The following EFHB variants were observed in gnomAD, a reference collection of about 807,000 sequenced individuals.
EFHB encodes EF-hand domain-containing family member B.
A neutral mutation model predicts 87.2 loss-of-function variants in EFHB; 91 were observed. That is an observed-to-expected ratio of 1.04 (90% CI 0.88 to 1.24). The LOEUF (loss-of-function observed/expected upper bound fraction) is 1.24, where lower values mean the gene tolerates loss of function less well. Among genes scored for constraint, EFHB ranks in the 50% most tolerant of loss-of-function variants. The pLI is 0.00. For missense variants in EFHB, 1,084 were observed against 998.8 expected (o/e 1.09, Z -1.15); for synonymous variants, 325 against 333.6 (o/e 0.97, Z 0.28).
intron 2 of EFHB, 37 bp from the exon 3 acceptor site, chr3:19,920,013 A>G (rs779649585): frequency 1.9e-6 from 3 of 1,608,700 alleles, no homozygotes; most frequent in African/African-American, 2.7e-5. Flanking sequence ...TATTAAGTAC[A>G]GTTTCTAAAA....
In EFHB at chr3:19,934,124, A is replaced by C; in HGVS notation, c.-106T>G. 1 of 1,464,044 alleles carries C rather than the reference A, an allele frequency of 6.8e-7. No individual in the cohort carries two copies. 90.7% of individuals were successfully genotyped at this position (1,464,044 alleles called of 1,614,324 possible). ...CAATCCCTTGCGGAACCCCTCTCTC[A>C]GGAAAGAGCACAACCTCACTCGGAC... On this transcript the variant is annotated 5_prime_UTR_variant, in exon 1 of 13. Coordinates refer to ENST00000295824, the MANE Select transcript of EFHB (RefSeq NM_144715.4).
At chr3:19,937,026 G>T (rs1696040983), upstream of EFHB, among the ~76,000 whole-genome samples, 1 of 151,486 alleles carries the variant, frequency 6.6e-6, no homozygotes, top group African/African-American at 2.4e-5. Context: ...AAAATTAACT[G>T]GGCATTGTGA....
chr3:19,934,440 C>CCT (rs146405018), upstream of EFHB, among the ~76,000 whole-genome samples: 3 of 142,226 alleles, frequency 2.1e-5, no homozygotes, highest in Non-Finnish European at 3.0e-5. Flanking sequence ...TTGCCCTCTC[C>CCT]CTCTCTCTCC....
intron 5 of EFHB, among the ~76,000 whole-genome samples, chr3:19,906,156 G>A (rs778383147): frequency 1.1e-4 from 16 of 152,020 alleles, no homozygotes; most frequent in Non-Finnish European, 1.8e-4. Context: ...TGGTGAAACC[G>A]TGTCTTCTCT....
At chr3:19,936,104 T>C, upstream of EFHB, 1 of 1,326,430 alleles carries the variant, frequency 7.5e-7, no homozygotes, top group Non-Finnish European at 9.7e-7. Context: ...AAAATATTTT[T>C]TTAAAAGTGT....
At chr3:19,914,363 C>T (rs945645641) in intron 5 of EFHB, among the ~76,000 whole-genome samples, 7 of 152,134 alleles carry the variant, frequency 4.6e-5, no homozygotes, top group East Asian at 3.8e-4. Context: ...TTTCTCAGGA[C>T]GTGTATCAGT....
intron 1 of EFHB, among the ~76,000 whole-genome samples, chr3:19,921,813 A>G (rs959318370): frequency 6.6e-6 from 1 of 152,130 alleles, no homozygotes; most frequent in Admixed American, 6.6e-5. Flanking sequence ...AAATCTCACT[A>G]ATACCAGGGA....
At chr3:19,930,043 C>T (rs1055511725) in intron 1 of EFHB, among the ~76,000 whole-genome samples, 6 of 152,060 alleles carry the variant, frequency 3.9e-5, no homozygotes, top group African/African-American at 7.2e-5. Context: ...TCACAGGTTG[C>T]AATAAGGGCA....
Position 19,905,677 on chromosome 3 carries a change from T to C in EFHB, c.1361A>G (p.His454Arg), listed in dbSNP as rs776781361. 7 of 1,613,920 alleles carry C rather than the reference T, an allele frequency of 4.3e-6. No homozygotes were observed. The highest frequency in any genetic ancestry group is 5.1e-6 in the Non-Finnish European group (6 of 1,179,834). ...TGCCATGGCTCGTCCATCATTAAAA[T>C]GTGGTGTTGGTACTCCATACACACT... ...RCSVYGVPTP[H>R]FNDGRAMAKS... Residue 454 changes from histidine to arginine, a missense_variant, in exon 6 of 13, where the codon CAT (histidine) becomes CGT (arginine). By Grantham distance (29) the His-to-Arg change is conservative. Transcript: ENST00000295824.
chr3:19,881,566 C>T (rs2071676706), intron 12 of EFHB, among the ~76,000 whole-genome samples: 1 of 152,108 alleles, frequency 6.6e-6, no homozygotes, highest in Non-Finnish European at 1.5e-5. Context: ...AAAACACAAT[C>T]TGGAGGTTTT....
At chr3:19,932,728 A>G (rs776594700) in intron 1 of EFHB, among the ~76,000 whole-genome samples, 5 of 152,210 alleles carry the variant, frequency 3.3e-5, no homozygotes, top group Non-Finnish European at 5.9e-5. Context: ...TCCTTTAGTT[A>G]TCTGTCTCCA....
In EFHB at chr3:19,930,425, T is replaced by C. The variant is rs74578547; in HGVS notation, c.789+2805A>G. Among the ~76,000 whole-genome samples, 620 of 152,298 alleles carry C rather than the reference T, an allele frequency of 4.1e-3. 3 individuals are homozygous for C. The highest frequency in any genetic ancestry group is 0.014 in the African/African-American group (582 of 41,564). On this transcript the variant is annotated intron_variant, in intron 1 of 12. Coordinates refer to ENST00000295824, the MANE Select transcript of EFHB (RefSeq NM_144715.4). ...CTGATTCACTAAATAATAAGATTTC[T>C]AAGTGGAATATTTACTCTTTCTCTT...
rs768333870 is a variant in EFHB, at chr3:19,884,496, GGA to G, written c.2051_2052del (p.Leu684ProfsTer8). 1.2e-6 allele frequency: 2 copies of G among 1,613,922 alleles called. No homozygotes were observed. Among genetic ancestry groups the G allele is most frequent in the Non-Finnish European group, 1.7e-6 (2 of 1,179,880 alleles). On this transcript the variant is annotated frameshift_variant, in exon 11 of 13. Coordinates refer to ENST00000295824, the MANE Select transcript of EFHB (RefSeq NM_144715.4). LOFTEE classifies it high-confidence loss of function. ...TTATCACTTGGTCTCAGAAGTGTCCGGAGAGTCTTTTCTGTGCTTCCTGCTTC... is the reference window on the plus strand; with the variant it reads ...TTATCACTTGGTCTCAGAAGTGTCCGGAGTCTTTTCTGTGCTTCCTGCTTC... Reference protein sequence around the residue: ...LKEAGSTEKTLRTLLRPSDKV... With the variant: ...LKEAGSTEKTXRTLLRPSDKV...
Position 19,934,120 on chromosome 3 carries a change from T to C in EFHB, c.-102A>G. On this transcript the variant is annotated 5_prime_UTR_variant, in exon 1 of 13. Coordinates refer to ENST00000295824, the MANE Select transcript of EFHB (RefSeq NM_144715.4). ...CCTCCAATCCCTTGCGGAACCCCTC[T>C]CTCAGGAAAGAGCACAACCTCACTC... is the stretch of plus-strand genomic sequence containing the variant. 1 of 1,465,904 alleles carries C rather than the reference T, an allele frequency of 6.8e-7. No homozygotes were observed. Among genetic ancestry groups the C allele is most frequent in the Non-Finnish European group, 9.0e-7 (1 of 1,115,236 alleles). The allele number at this position is 1,465,904 out of a possible 1,614,324, so 90.8% of individuals were successfully genotyped here. A position where few individuals can be genotyped will look rare whatever the true frequency, so the allele number is the denominator to read the frequency against.
At chr3:19,916,548 A>T (rs1695240663) in intron 4 of EFHB, among the ~76,000 whole-genome samples, 1 of 152,026 alleles carries the variant, frequency 6.6e-6, no homozygotes, top group Admixed American at 6.6e-5. Context: ...TAATTAATTT[A>T]AAAAATGAAT....
intron 1 of EFHB, chr3:19,946,216 G>A (rs1319918029): frequency 2.0e-5 from 3 of 152,160 alleles, no homozygotes. Flanking sequence ...CCGTGATCTC[G>A]GACAAGTTAC....
chr3:19,939,473 C>G (rs1696103962), intron 1 of EFHB, among the ~76,000 whole-genome samples: 1 of 147,818 alleles, frequency 6.8e-6, no homozygotes, highest in Non-Finnish European at 1.5e-5. Flanking sequence ...CAAGCTCCGC[C>G]TCCCGGGTTC....
At chr3:19,896,997 T>C (rs1239773723) in intron 8 of EFHB, among the ~76,000 whole-genome samples, 156 bp from the exon 9 acceptor site, 1 of 152,228 alleles carries the variant, frequency 6.6e-6, no homozygotes, top group Non-Finnish European at 1.5e-5. Context: ...CCTTATGTAC[T>C]CTAAAGTACA....
intron 10 of EFHB, among the ~76,000 whole-genome samples, chr3:19,886,714 T>G (rs1302190284): frequency 7.9e-6 from 1 of 126,152 alleles, no homozygotes; most frequent in Admixed American, 8.2e-5. Context: ...GCAAGGCAAA[T>G]GAGGTATTAT....
Sources: gnomAD v4.1 joint callset for allele counts (sites outside exome capture counted in the v4.1 genomes callset) on GRCh38, gnomAD v4.1.1 for gene constraint, MANE v1.5 for transcripts, NCBI Gene and HGNC (gene_info 2026-07-23, HGNC 2026-07-21) for gene names.